Variants in ITSN2 observed in about 807,000 individuals in gnomAD.
The protein encoded by ITSN2 is intersectin-2.
In ITSN2, 156 loss-of-function variants were observed where a neutral mutation model predicts 243.7. The observed-to-expected ratio is 0.64, with a 90% CI of 0.56 to 0.73. ITSN2 has a LOEUF of 0.73. ITSN2 is among the 30% of genes least tolerant of loss of function. The pLI is 0.00. For missense variants in ITSN2, 1,801 were observed against 1,996.1 expected (o/e 0.90, Z 1.86); for synonymous variants, 703 against 699.9 (o/e 1.00, Z -0.07).
At chr2:24,292,029 T>C (rs1178546334) in intron 15 of ITSN2, among the ~76,000 whole-genome samples, 2 of 152,162 alleles carry the variant, frequency 1.3e-5, no homozygotes, top group East Asian at 1.9e-4. Context: ...ATAATAACTA[T>C]ACCAAAGGGT....
At chr2:24,262,994 CTTTT>C (rs1223987268) in intron 20 of ITSN2, among the ~76,000 whole-genome samples, 1 of 152,088 alleles carries the variant, frequency 6.6e-6, no homozygotes, top group African/African-American at 2.4e-5. Context: ...CTACTTCAGG[CTTTT>C]TTTCATTTCA....
chr2:24,204,445 T>C lies in ITSN2; in HGVS notation c.4763-27A>G, dbSNP rs369885417. 6.2e-7 allele frequency: 1 copy of C among 1,611,240 alleles called. No homozygotes were observed. Among genetic ancestry groups the C allele is most frequent in the African/African-American group, 1.3e-5 (1 of 74,800 alleles). On this transcript the variant is annotated intron_variant, in intron 38 of 39. Transcript: ENST00000355123. The surrounding 1 kb of genome is among the most constrained non-coding windows in gnomAD (Gnocchi z 5.1). ...TGAACAAAAACAAACCACAGACACA[T>C]GTGGTGCATGCAGGTAAAACGAAGC...
intron 4 of ITSN2, among the ~76,000 whole-genome samples, chr2:24,313,204 C>T (rs1683475120): frequency 6.6e-6 from 1 of 151,410 alleles, no homozygotes; most frequent in African/African-American, 2.4e-5. Flanking sequence ...CCATCTTGGC[C>T]TCCCTGAGTA....
intron 1 of ITSN2, among the ~76,000 whole-genome samples, chr2:24,357,319 C>T (rs1688536321): frequency 6.6e-6 from 1 of 152,190 alleles, no homozygotes; most frequent in Non-Finnish European, 1.5e-5. Flanking sequence ...AGATCATGTC[C>T]TTTGCAGGGA....
chr2:24,303,266 G>C (rs1057073927), intron 9 of ITSN2, among the ~76,000 whole-genome samples: 2 of 152,196 alleles, frequency 1.3e-5, no homozygotes, highest in Admixed American at 6.5e-5. Flanking sequence ...CTCCATGCGT[G>C]TTATTGCCCC....
At chr2:24,312,433 G>A (rs78745279) in intron 4 of ITSN2, 58 bp from the exon 5 acceptor site, 41,095 of 1,301,626 alleles carry the variant, frequency 0.032, 824 homozygotes, top group Non-Finnish European at 0.038. Context: ...GAAAACTAAC[G>A]TTATTTTGGG....
At chr2:24,223,857 AG>A (rs1670740624) in intron 29 of ITSN2, among the ~76,000 whole-genome samples, 1 of 15,058 alleles carries the variant, frequency 6.6e-5, no homozygotes, top group Non-Finnish European at 1.2e-4. Flanking sequence ...AAAGAAAGAA[AG>A]AAAGGAAAGA....
Position 24,209,100 on chromosome 2 carries a change from C to A in ITSN2, c.4595G>T (p.Arg1532Met). Residue 1532 changes from arginine to methionine, a missense_variant and splice_region_variant, in exon 36 of 40, where the codon AGG (arginine) becomes ATG (methionine). Arg to Met is a moderately conservative substitution (Grantham distance 91). Coordinates refer to ENST00000355123, the MANE Select transcript of ITSN2 (RefSeq NM_006277.3). Reference sequence around the variant, plus strand: ...CAGGCCACACATGGTCAGGACTGACCTCTCATTAATGTTGTCTGTTCGGAG... The same window carrying A: ...CAGGCCACACATGGTCAGGACTGACATCTCATTAATGTTGTCTGTTCGGAG... Reference protein sequence around the residue: ...YTLRTDNINERTAWVQKIKAA... With the variant: ...YTLRTDNINEMTAWVQKIKAA... 6.2e-7 allele frequency: 1 copy of A among 1,614,014 alleles called. No individual in the cohort carries two copies.
chr2:24,308,851 G>T, intron 7 of ITSN2, 95 bp from the exon 8 acceptor site: 2 of 830,762 alleles, frequency 2.4e-6, no homozygotes, highest in South Asian at 3.5e-5. Flanking sequence ...TTATATACCA[G>T]GGGTCCTGAA....
chr2:24,357,696 T>C (rs890375953), intron 1 of ITSN2, among the ~76,000 whole-genome samples: 5 of 152,110 alleles, frequency 3.3e-5, no homozygotes, highest in African/African-American at 1.2e-4. Context: ...TAAAAAAACT[T>C]GAATCCAAAA....
chr2:24,332,121 A>C (rs1250288562), intron 1 of ITSN2, among the ~76,000 whole-genome samples: 1 of 152,222 alleles, frequency 6.6e-6, no homozygotes, highest in Non-Finnish European at 1.5e-5. Context: ...ACATGCCTGT[A>C]ATCCCAGCTA....
intron 29 of ITSN2, chr2:24,240,994 A>G (rs1672667875): frequency 6.6e-6 from 1 of 152,178 alleles, no homozygotes; most frequent in Admixed American, 6.5e-5. Flanking sequence ...TGGTTGAAGA[A>G]CAGGTATTAG....
intron 14 of ITSN2, 90 bp downstream of exon 14, chr2:24,295,565 TCCCAAAGTG>T: frequency 6.4e-6 from 6 of 930,494 alleles, no homozygotes; most frequent in Non-Finnish European, 9.1e-6. Flanking sequence ...CGCCTCAGCC[TCCCAAAGTG>T]CTAGCATTAC....
At chr2:24,275,878 C>T (rs376639952) in intron 17 of ITSN2, 29 bp from the exon 18 acceptor site, 25 of 1,537,722 alleles carry the variant, frequency 1.6e-5, no homozygotes, top group South Asian at 5.0e-5. Context: ...TAAGTCAATA[C>T]GTGAATGATT....
At chr2:24,309,525 A>T (rs891504483) in intron 7 of ITSN2, among the ~76,000 whole-genome samples, 5 of 152,126 alleles carry the variant, frequency 3.3e-5, no homozygotes, top group Non-Finnish European at 5.9e-5. Context: ...TGCATTTTAC[A>T]TTTTTTTAAA....
chr2:24,305,145 C>G (rs1400480455), intron 8 of ITSN2, among the ~76,000 whole-genome samples: 2 of 152,168 alleles, frequency 1.3e-5, no homozygotes, highest in South Asian at 2.1e-4. Context: ...ATTATATGGG[C>G]TCTTCAAAGA....
At position 24,267,442 on chromosome 2, in the gene ITSN2, TATATATAGGTACAC is replaced by T. The variant is rs1676804686; in HGVS notation, c.2355+3215_2355+3228del. Reference sequence around the variant, plus strand: ...ATCACCGTAAGCTATGAGTATTGGCTATATATAGGTACACATATGTACATACATACATACACACA... The same window carrying T: ...ATCACCGTAAGCTATGAGTATTGGCTATATGTACATACATACATACACACA... On this transcript the variant is annotated intron_variant, in intron 20 of 39. Transcript: ENST00000355123. 2.0e-5 allele frequency among the ~76,000 whole-genome samples: 3 copies of T among 151,772 alleles called. No homozygotes were observed. The South Asian group carries it at 6.2e-4, about 32-fold the overall frequency.
At chr2:24,230,540 G>T (rs1483654954) in intron 29 of ITSN2, among the ~76,000 whole-genome samples, 1 of 152,142 alleles carries the variant, frequency 6.6e-6, no homozygotes, top group East Asian at 1.9e-4. Context: ...GGCCGAGGTG[G>T]GTGGATCACC....
chr2:24,223,675 C>G (rs1215580661), intron 29 of ITSN2, among the ~76,000 whole-genome samples: 7 of 131,474 alleles, frequency 5.3e-5, no homozygotes, highest in Admixed American at 1.5e-4. Flanking sequence ...AAGAGTGAGA[C>G]CCTGTTTCAA....
Sources: gnomAD v4.1 joint callset for allele counts (sites outside exome capture counted in the v4.1 genomes callset) on GRCh38, gnomAD v4.1.1 for gene constraint, Gnocchi (gnomAD v3.1) non-coding constraint, MANE v1.5 for transcripts, NCBI Gene and HGNC (gene_info 2026-07-23, HGNC 2026-07-21) for gene names.